Variants in DNAJB6 observed in about 807,000 individuals in gnomAD.
DNAJB6 encodes dnaJ homolog subfamily B member 6.
Under a neutral mutation model 42.7 loss-of-function variants are expected in DNAJB6, and 16 were observed. The ratio of observed to expected loss-of-function variants is 0.37; its 90% CI spans 0.25 to 0.57. DNAJB6 has a LOEUF of 0.57. Among genes scored for constraint, DNAJB6 ranks in the 20% least tolerant of loss-of-function variants. The pLI is 0.74. For synonymous variants in DNAJB6, 170 were observed against 163.5 expected (o/e 1.04, Z -0.30); for missense variants, 347 against 416.8 (o/e 0.83, Z 1.46).
In DNAJB6 at chr7:157,367,410, C is replaced by T. The variant is rs759982570; in HGVS notation, c.273C>T (p.Phe91=). 6.2e-7 allele frequency: 1 copy of T among 1,613,584 alleles called. No individual in the cohort carries two copies. Residue 91 remains phenylalanine (F), a synonymous_variant, in exon 5 of 10, where the codon TTC becomes TTT. Coordinates refer to ENST00000262177, the MANE Select transcript of DNAJB6 (RefSeq NM_058246.4). ...TTGACAGTCCATTTGAATTTGGCTT[C>T]ACATTCCGTAACCCAGATGATGTCT... ...SHFDSPFEFG[F]TFRNPDDVFR...
intron 1 of DNAJB6, among the ~76,000 whole-genome samples, chr7:157,353,846 T>G (rs1482207740): frequency 1.3e-5 from 2 of 150,926 alleles, no homozygotes. Flanking sequence ...TTTTTTTTTG[T>G]TGCACAGAGT....
At chr7:157,403,669 C>T (rs1165109759) in intron 8 of DNAJB6, among the ~76,000 whole-genome samples, 3 of 152,118 alleles carry the variant, frequency 2.0e-5, no homozygotes, top group Non-Finnish European at 2.9e-5. Context: ...AAATGGGAGG[C>T]AGGTGTGCCC....
At chr7:157,370,417 A>T (rs1191431455) in intron 5 of DNAJB6, among the ~76,000 whole-genome samples, 1 of 152,214 alleles carries the variant, frequency 6.6e-6, no homozygotes, top group African/African-American at 2.4e-5. Context: ...GCCCTTTCTT[A>T]ACATTATGAT....
At chr7:157,358,283 T>G (rs954967736) in intron 1 of DNAJB6, among the ~76,000 whole-genome samples, 8 of 152,162 alleles carry the variant, frequency 5.3e-5, no homozygotes, top group African/African-American at 1.9e-4. Context: ...TAGAGTCACC[T>G]GTTGTTTAGT....
At chr7:157,376,020 G>A (rs1381784303) in intron 5 of DNAJB6, among the ~76,000 whole-genome samples, 2 of 152,156 alleles carry the variant, frequency 1.3e-5, no homozygotes, top group Admixed American at 6.6e-5. Flanking sequence ...CTCCTGGGCC[G>A]CGGCTGGGAG....
chr7:157,384,754 C>T, intron 6 of DNAJB6, 113 bp from the exon 7 acceptor site: 1 of 1,077,282 alleles, frequency 9.3e-7, no homozygotes, highest in Admixed American at 2.2e-5. Context: ...TTTATTACTC[C>T]TCGGTTCTAT....
intron 8 of DNAJB6, among the ~76,000 whole-genome samples, chr7:157,397,786 CCTT>C (rs1224453895): frequency 6.6e-6 from 1 of 152,202 alleles, no homozygotes; most frequent in Non-Finnish European, 1.5e-5. Context: ...TGCCCTTCAT[CCTT>C]CTCAATTCAG....
In DNAJB6 at chr7:157,363,267, G is replaced by A. The variant is rs1799693872; in HGVS notation, c.172G>A (p.Asp58Asn). 8 of 1,604,182 alleles carry A rather than the reference G, an allele frequency of 5.0e-6. No individual in the cohort carries two copies. In the East Asian group the frequency reaches 1.3e-4, roughly 27 times the overall value. The change falls in exon 3 of 10, where the codon GAT (aspartate) becomes AAT (asparagine). Residue 58 changes from aspartate (D) to asparagine (N), a missense_variant. Physicochemically the swap from Asp to Asn is conservative, Grantham distance 23 (BLOSUM62 1). Around this residue, in one of 3 missense-constraint regions of DNAJB6, gnomAD observed 78 missense variants for 102.1 expected, o/e 0.76. Transcript: ENST00000262177. ...QVAEAYEVLS[D>N]AKKRDIYDKY... The stretch of plus-strand genomic sequence containing the variant: ...AGCGGAGGCATATGAAGTGCTGTCG[G>A]ATGGTGAGTGACAGCGAGCTGCTGA...
chr7:157,382,319 T>C lies in DNAJB6; in HGVS notation c.420T>C (p.Phe140=), dbSNP rs1157616100. The change falls in exon 6 of 10, where the codon TTT becomes TTC. Residue 140 remains phenylalanine, a synonymous_variant. Transcript: ENST00000262177. ...RGSRSRGTGS[F]FSAFSGFPSF... is the part of the protein sequence containing the mutation. ...GCAGAAGCCGAGGGACGGGGTCGTTTTTCTCTGCGTTCAGTGGATTTCCGT... is the reference window on the plus strand; with the variant it reads ...GCAGAAGCCGAGGGACGGGGTCGTTCTTCTCTGCGTTCAGTGGATTTCCGT... 1 of 1,612,104 alleles carries C rather than the reference T, an allele frequency of 6.2e-7. No homozygotes were observed.
At chr7:157,355,012 T>A (rs1799198124) in intron 1 of DNAJB6, among the ~76,000 whole-genome samples, 1 of 152,210 alleles carries the variant, frequency 6.6e-6, no homozygotes, top group Non-Finnish European at 1.5e-5. Flanking sequence ...GTGTCTGAAG[T>A]GCCCAGGAGA....
At chr7:157,352,897 G>A (rs546538618) in intron 1 of DNAJB6, among the ~76,000 whole-genome samples, 7 of 152,136 alleles carry the variant, frequency 4.6e-5, no homozygotes, top group East Asian at 1.9e-4. Flanking sequence ...AAGTTCCTAC[G>A]CTGTGAACAT....
At chr7:157,367,690 G>A (rs567126157) in intron 5 of DNAJB6, among the ~76,000 whole-genome samples, 2 of 152,134 alleles carry the variant, frequency 1.3e-5, no homozygotes, top group Non-Finnish European at 2.9e-5. Flanking sequence ...GAGAAGCCAC[G>A]TCTCTATTAA....
chr7:157,364,400 G>A (rs1422479294), intron 3 of DNAJB6, among the ~76,000 whole-genome samples: 1 of 152,172 alleles, frequency 6.6e-6, no homozygotes, highest in Non-Finnish European at 1.5e-5. Flanking sequence ...AAGTCTTCTT[G>A]AAATGTGGCA....
chr7:157,387,250 T>C (rs1801111494), intron 8 of DNAJB6, among the ~76,000 whole-genome samples: 1 of 152,188 alleles, frequency 6.6e-6, no homozygotes, highest in Non-Finnish European at 1.5e-5. Flanking sequence ...TTGGGGACAG[T>C]TGAAGTACAA....
chr7:157,402,453 G>A (rs563702402), intron 8 of DNAJB6, among the ~76,000 whole-genome samples: 30 of 152,350 alleles, frequency 2.0e-4, no homozygotes, highest in Admixed American at 3.9e-4. Flanking sequence ...TGGGGCGGGC[G>A]TGGGGTGACA....
intron 1 of DNAJB6, among the ~76,000 whole-genome samples, chr7:157,348,711 C>G (rs1348525300): frequency 5.3e-5 from 8 of 152,168 alleles, no homozygotes; most frequent in Non-Finnish European, 1.2e-4. Flanking sequence ...CTTCTACTTA[C>G]AGTGGAAGAG....
intron 8 of DNAJB6, among the ~76,000 whole-genome samples, chr7:157,388,896 T>A (rs1000480821): frequency 3.3e-5 from 5 of 152,222 alleles, no homozygotes; most frequent in Non-Finnish European, 7.3e-5. Context: ...TTTATAAAAT[T>A]TAAGCTTTTT....
intron 1 of DNAJB6, among the ~76,000 whole-genome samples, chr7:157,347,910 C>T (rs1183431525): frequency 6.6e-6 from 1 of 151,994 alleles, no homozygotes; most frequent in Non-Finnish European, 1.5e-5. Context: ...ATTCTTCTGC[C>T]TCAGCCTCCC....
At chr7:157,340,315 A>G (rs1798293726) in intron 1 of DNAJB6, among the ~76,000 whole-genome samples, 1 of 152,188 alleles carries the variant, frequency 6.6e-6, no homozygotes, top group Non-Finnish European at 1.5e-5. Context: ...GAGGCGGGTA[A>G]CTGCAGGCTC....
Sources: gnomAD v4.1 joint callset for allele counts (sites outside exome capture counted in the v4.1 genomes callset) on GRCh38, gnomAD v4.1.1 for gene constraint, gnomAD v4.1.1 regional missense constraint, MANE v1.5 for transcripts, NCBI Gene and HGNC (gene_info 2026-07-23, HGNC 2026-07-21) for gene names.